FAM171A1: variants seen among roughly 807,000 people sequenced by gnomAD.
FAM171A1 encodes protein FAM171A1.
Under a neutral mutation model 74.9 loss-of-function variants are expected in FAM171A1, and 23 were observed. That is an observed-to-expected ratio of 0.31 (90% CI 0.22 to 0.44). The LOEUF (loss-of-function observed/expected upper bound fraction) is 0.44. Among genes scored for constraint, FAM171A1 ranks in the 20% least tolerant of loss-of-function variants. The probability of loss-of-function intolerance (pLI) is 1.00; values close to 1 mark genes in which losing one functional copy is unlikely to be tolerated. For missense variants in FAM171A1, 1,162 were observed against 1,159.2 expected (o/e 1.00, Z -0.03); for synonymous variants, 527 against 505.7 (o/e 1.04, Z -0.57).
At chr10:15,275,143 C>T (rs1010050809) in intron 3 of FAM171A1, among the ~76,000 whole-genome samples, 1 of 152,034 alleles carries the variant, frequency 6.6e-6, no homozygotes, top group Non-Finnish European at 1.5e-5. Context: ...AGGAGATATA[C>T]CTAATGTAAA....
intron 1 of FAM171A1, among the ~76,000 whole-genome samples, chr10:15,339,397 C>T (rs1226007769): frequency 6.6e-6 from 1 of 152,222 alleles, no homozygotes; most frequent in Non-Finnish European, 1.5e-5. Flanking sequence ...GCCTTAGCTC[C>T]TCTTGGCTAT....
At chr10:15,268,526 A>G (rs1277929107) in intron 3 of FAM171A1, among the ~76,000 whole-genome samples, 3 of 152,076 alleles carry the variant, frequency 2.0e-5, no homozygotes, top group Non-Finnish European at 4.4e-5. Context: ...AAAAATATCA[A>G]GCTCTATGTG....
intron 1 of FAM171A1, among the ~76,000 whole-genome samples, chr10:15,363,603 C>G (rs1217456384): frequency 6.6e-6 from 1 of 152,168 alleles, no homozygotes; most frequent in South Asian, 2.1e-4. Flanking sequence ...GCTTTAAGTT[C>G]AGTTCCTTGG....
Position 15,318,286 on chromosome 10 carries a change from G to C in FAM171A1, c.98-34181C>G, listed in dbSNP as rs550082043. 2.0e-5 allele frequency among the ~76,000 whole-genome samples: 3 copies of C among 152,306 alleles called. No homozygotes were observed. The South Asian group carries it at 6.2e-4, about 32-fold the overall frequency. On this transcript the variant is annotated intron_variant, in intron 1 of 7. Transcript: ENST00000378116. ...CTCAATTCCCAGAGCCAGTGAATCC[G>C]GAGAAAGAGATTCGGGAATCCTCCC...
At chr10:15,373,778 AT>A, upstream of FAM171A1, among the ~76,000 whole-genome samples, 1 of 152,308 alleles carries the variant, frequency 6.6e-6, no homozygotes, top group South Asian at 2.1e-4. Context: ...TCTAAGTCTT[AT>A]TGTTCACTCA....
chr10:15,238,366 C>T (rs1834321707), intron 5 of FAM171A1, among the ~76,000 whole-genome samples: 1 of 152,228 alleles, frequency 6.6e-6, no homozygotes, highest in African/African-American at 2.4e-5. Context: ...TCAATATCCC[C>T]TACCAGAGAG....
chr10:15,253,409 A>T (rs903026099), intron 4 of FAM171A1, among the ~76,000 whole-genome samples: 1 of 152,180 alleles, frequency 6.6e-6, no homozygotes, highest in African/African-American at 2.4e-5. Flanking sequence ...ACTTAAGATG[A>T]CTGCTATGCC....
intron 5 of FAM171A1, among the ~76,000 whole-genome samples, chr10:15,235,152 A>C (rs1375563130): frequency 6.6e-6 from 1 of 152,050 alleles, no homozygotes; most frequent in Non-Finnish European, 1.5e-5. Flanking sequence ...TCTACTAAAA[A>C]TACAAAAATT....
intron 3 of FAM171A1, among the ~76,000 whole-genome samples, chr10:15,257,284 T>C (rs887676538): frequency 2.0e-5 from 3 of 151,976 alleles, no homozygotes; most frequent in African/African-American, 7.3e-5. Flanking sequence ...GTGAGGGCAG[T>C]GGGGCACAGA....
intron 1 of FAM171A1, among the ~76,000 whole-genome samples, chr10:15,342,827 T>G (rs1427630429): frequency 2.0e-5 from 3 of 152,234 alleles, no homozygotes; most frequent in African/African-American, 7.2e-5. Context: ...ATCAGTGATT[T>G]TACAACGCAG....
rs1554830989 is a variant in FAM171A1 at position 15,216,071 on chromosome 10, A to G, written c.911T>C (p.Val304Ala). Reference protein sequence around the residue: ...VTQDITTYHTVFLLAILGGMA... With the variant: ...VTQDITTYHTAFLLAILGGMA... ...TCCTCCTAAAATGGCCAAAAGAAAC[A>G]CCGTGTGATACGTGGTAATGTCCTG... is the stretch of plus-strand genomic sequence containing the variant. Residue 304 changes from valine (V) to alanine (A), a missense_variant, in exon 7 of 8, where the codon GTG becomes GCG. Coordinates refer to ENST00000378116, the MANE Select transcript of FAM171A1 (RefSeq NM_001010924.2). The G allele has an allele frequency of 1.9e-6, 3 of 1,610,562 alleles. No homozygotes were observed. Among genetic ancestry groups the G allele is most frequent in the Non-Finnish European group, 2.5e-6 (3 of 1,179,388 alleles).
At chr10:15,236,167 G>T (rs1484872555) in intron 5 of FAM171A1, among the ~76,000 whole-genome samples, 1 of 151,884 alleles carries the variant, frequency 6.6e-6, no homozygotes, top group East Asian at 1.9e-4. Context: ...TATGGGCCCC[G>T]ACCAATCAGA....
At chr10:15,235,347 G>T (rs1374085734) in intron 5 of FAM171A1, among the ~76,000 whole-genome samples, 1 of 145,112 alleles carries the variant, frequency 6.9e-6, no homozygotes, top group African/African-American at 2.6e-5. Context: ...TATCCAGTCA[G>T]CTGAGTCGGC....
At chr10:15,269,036 TCAAACAAA>T (rs34821162) in intron 3 of FAM171A1, among the ~76,000 whole-genome samples, 101,086 of 150,610 alleles carry the variant, frequency 0.67, 34,415 homozygotes, top group South Asian at 0.84. Flanking sequence ...AGACTCTGTC[TCAAACAAA>T]CAAACAAACA....
intron 1 of FAM171A1, among the ~76,000 whole-genome samples, chr10:15,322,833 G>C (rs550268120): frequency 1.3e-5 from 2 of 152,260 alleles, no homozygotes; most frequent in South Asian, 4.1e-4. Context: ...GTCTTCATTT[G>C]CAATAAAAAG....
intron 1 of FAM171A1, among the ~76,000 whole-genome samples, chr10:15,334,770 T>C (rs1835681224): frequency 6.6e-6 from 1 of 152,150 alleles, no homozygotes; most frequent in Admixed American, 6.5e-5. Flanking sequence ...TATACTATCT[T>C]GAGTCTCCAA....
At chr10:15,277,291 C>A (rs544156282) in intron 2 of FAM171A1, among the ~76,000 whole-genome samples, 1 of 152,262 alleles carries the variant, frequency 6.6e-6, no homozygotes, top group South Asian at 2.1e-4. Flanking sequence ...GATCTTGGCT[C>A]ACTGCAACCT....
chr10:15,318,944 TATA>T (rs1253974945), intron 1 of FAM171A1, among the ~76,000 whole-genome samples: 1 of 152,194 alleles, frequency 6.6e-6, no homozygotes, highest in African/African-American at 2.4e-5. Context: ...CAAGAGGGTT[TATA>T]AACACTTGAG....
intron 5 of FAM171A1, among the ~76,000 whole-genome samples, chr10:15,234,809 C>T (rs1043700166): frequency 1.3e-5 from 2 of 151,180 alleles, no homozygotes; most frequent in Non-Finnish European, 3.0e-5. Flanking sequence ...CCCACCACCA[C>T]GCCCGGCTAA....
Sources: gnomAD v4.1 joint callset for allele counts (sites outside exome capture counted in the v4.1 genomes callset) on GRCh38, gnomAD v4.1.1 for gene constraint, MANE v1.5 for transcripts, NCBI Gene and HGNC (gene_info 2026-07-23, HGNC 2026-07-21) for gene names.